The following TTBK2 variants were observed in gnomAD, a reference collection of about 807,000 sequenced individuals.
The protein encoded by TTBK2 is tau tubulin kinase 2, also known as tau-tubulin kinase 2.
In TTBK2, 28 loss-of-function variants were observed where a neutral mutation model predicts 110.8. That is an observed-to-expected ratio of 0.25 (90% confidence interval 0.19 to 0.35). The LOEUF (loss-of-function observed/expected upper bound fraction) is 0.35. TTBK2 is among the 10% of genes least tolerant of loss of function. TTBK2 has a pLI of 1.00. For synonymous variants in TTBK2, 532 were observed against 527.3 expected (o/e 1.01, Z -0.12); for missense variants, 1,369 against 1,500.3 (o/e 0.91, Z 1.45).
intron 3 of TTBK2, chr15:42,855,318 A>C (rs1327808533): frequency 6.6e-6 from 1 of 152,182 alleles, no homozygotes; most frequent in Non-Finnish European, 1.5e-5. Context: ...GCCCAATAGC[A>C]ATTAGTACCC....
intron 2 of TTBK2, among the ~76,000 whole-genome samples, chr15:42,878,109 G>A (rs1295624194): frequency 6.7e-6 from 1 of 149,042 alleles, no homozygotes; most frequent in South Asian, 2.1e-4. Flanking sequence ...TGAGTAGCTG[G>A]GACTACAGGC....
chr15:42,750,775 C>T (rs61433348), intron 14 of TTBK2, among the ~76,000 whole-genome samples: 4,221 of 152,082 alleles, frequency 0.028, 165 homozygotes, highest in African/African-American at 0.083. Context: ...TCAACAAACT[C>T]GAAGTAGGAT....
At chr15:42,763,161 T>TATATATATATATATATATATAC (rs1889138461) in intron 13 of TTBK2, among the ~76,000 whole-genome samples, 1 of 10,126 alleles carries the variant, frequency 9.9e-5, no homozygotes, top group African/African-American at 4.6e-4. Context: ...TATATACATA[T>TATATATATATATATATATATAC]ATATATATAT....
At chr15:42,756,402 A>G (rs1275026569) in intron 13 of TTBK2, among the ~76,000 whole-genome samples, 4 of 152,098 alleles carry the variant, frequency 2.6e-5, no homozygotes, top group Admixed American at 1.3e-4. Flanking sequence ...CCTGGCCAAC[A>G]TGGTGAAACC....
At chr15:42,800,265 A>T (rs1253151614) in intron 9 of TTBK2, 2 of 433,596 alleles carry the variant, frequency 4.6e-6, no homozygotes, top group Admixed American at 2.7e-5. Flanking sequence ...ATTCTAAAAT[A>T]AATTGACTAT....
chr15:42,912,469 G>C (rs1363576749), intron 1 of TTBK2, among the ~76,000 whole-genome samples: 1 of 152,150 alleles, frequency 6.6e-6, no homozygotes, highest in Non-Finnish European at 1.5e-5. Context: ...CACTTTGGGA[G>C]GCCCCAAGGT....
intron 3 of TTBK2, among the ~76,000 whole-genome samples, chr15:42,857,064 A>G (rs1024765399): frequency 1.4e-5 from 2 of 147,620 alleles, no homozygotes; most frequent in Non-Finnish European, 3.0e-5. Context: ...CTGTCTCACA[A>G]AAAAAAAAAA....
chr15:42,919,120 C>T (rs2031238345), intron 1 of TTBK2, among the ~76,000 whole-genome samples: 1 of 152,096 alleles, frequency 6.6e-6, no homozygotes, highest in South Asian at 2.1e-4. Context: ...TGTTATCATA[C>T]AGGAAAACAT....
chr15:42,840,244 T>C, intron 4 of TTBK2, 116 bp downstream of exon 4: 1 of 929,848 alleles, frequency 1.1e-6, no homozygotes, highest in African/African-American at 1.6e-5. Context: ...ATCTGCATAG[T>C]ATAAAACATT....
intron 1 of TTBK2, among the ~76,000 whole-genome samples, chr15:42,911,422 C>G (rs2030748442): frequency 6.6e-6 from 1 of 152,214 alleles, no homozygotes; most frequent in Non-Finnish European, 1.5e-5. Flanking sequence ...GGCAACATAG[C>G]AAGACCTTGT....
At chr15:42,813,206 G>C (rs1363849760) in intron 7 of TTBK2, among the ~76,000 whole-genome samples, 1 of 152,080 alleles carries the variant, frequency 6.6e-6, no homozygotes, top group Non-Finnish European at 1.5e-5. Flanking sequence ...AGACAGAGAA[G>C]ATACCAAAAG....
chr15:42,869,532 T>C (rs1393502760), intron 3 of TTBK2, among the ~76,000 whole-genome samples: 2 of 151,840 alleles, frequency 1.3e-5, no homozygotes, highest in Non-Finnish European at 1.5e-5. Context: ...GTAGATATCA[T>C]TACAAAACAT....
chr15:42,775,547 C>T lies in TTBK2; in HGVS notation c.1586G>A (p.Gly529Asp), dbSNP rs1378811467. ...AGCTATAAATCCATTGCTGCCACCACCATCTGCCTGCTCAGGGGTGTTGGC... is the reference window on the plus strand; with the variant it reads ...AGCTATAAATCCATTGCTGCCACCATCATCTGCCTGCTCAGGGGTGTTGGC... Reference protein sequence around the residue: ...ASANTPEQADGGGSNGFIAVN... With the variant: ...ASANTPEQADDGGSNGFIAVN... The change falls in exon 13 of 15, where the codon GGT becomes GAT. Residue 529 changes from glycine (G) to aspartate (D), a missense_variant. Physicochemically the swap from Gly to Asp is moderately conservative, Grantham distance 94. Transcript: ENST00000267890. 1.2e-6 allele frequency: 2 copies of T among 1,614,076 alleles called. No homozygotes were observed. Among genetic ancestry groups the T allele is most frequent in the African/African-American group, 1.3e-5 (1 of 74,922 alleles).
intron 13 of TTBK2, among the ~76,000 whole-genome samples, chr15:42,769,764 T>C (rs567351264): frequency 1.7e-4 from 26 of 152,322 alleles, no homozygotes; most frequent in Non-Finnish European, 2.9e-4. Flanking sequence ...ACTGGGTATA[T>C]ACCCAAAGGA....
chr15:42,864,418 C>G lies in TTBK2; in HGVS notation c.217+8193G>C, dbSNP rs185303498. Among the ~76,000 whole-genome samples the G allele has an allele frequency of 3.0e-4, 45 of 152,164 alleles. No individual in the cohort carries two copies. In the Middle Eastern group the frequency reaches 0.01, roughly 35 times the overall value. On this transcript the variant is annotated intron_variant, in intron 3 of 14. Coordinates refer to ENST00000267890, the MANE Select transcript of TTBK2 (RefSeq NM_173500.4). ...TGACCAACATGGAAAAACCCCATAT[C>G]TGCTAAAAATACAAAATTAGCCAGG...
At chr15:42,755,773 T>C (rs892352366) in intron 13 of TTBK2, among the ~76,000 whole-genome samples, 12 of 152,212 alleles carry the variant, frequency 7.9e-5, no homozygotes, top group Admixed American at 4.6e-4. Context: ...GATGTTGAAA[T>C]CTAAAATTTA....
rs1223536512 is a variant in TTBK2 at position 42,741,224 on chromosome 15, GACAGGGAAGTAGGATGTCCCA to G, written c.*4550_*4570del. The stretch of plus-strand genomic sequence containing the variant: ...ACACACCAGAGTTCCACTGGGTGAG[GACAGGGAAGTAGGATGTCCCA>G]ACACCCTCTGAGGGTTTTCATGCAT... On this transcript the variant is annotated 3_prime_UTR_variant, in exon 15 of 15. Transcript: ENST00000267890. The G allele has an allele frequency of 2.0e-4, 31 of 152,314 alleles. No individual in the cohort carries two copies. The highest frequency in any genetic ancestry group is 2.0e-3 in the Admixed American group (31 of 15,300). The allele number at this position is 152,314 out of a possible 1,614,324, so 9.4% of individuals were successfully genotyped here.
At chr15:42,904,254 C>T (rs950637945) in intron 1 of TTBK2, among the ~76,000 whole-genome samples, 9 of 152,240 alleles carry the variant, frequency 5.9e-5, no homozygotes, top group African/African-American at 2.2e-4. Context: ...AACTATATAC[C>T]AGGCTTCACT....
chr15:42,892,786 G>A (rs1895511158), intron 1 of TTBK2, among the ~76,000 whole-genome samples: 2 of 150,466 alleles, frequency 1.3e-5, no homozygotes, highest in Admixed American at 1.3e-4. Context: ...GAGGCAGGCG[G>A]ATCACCTGAG....
Sources: allele counts gnomAD v4.1 joint callset (sites outside exome capture counted in the v4.1 genomes callset), GRCh38; gene constraint gnomAD v4.1.1; transcripts MANE v1.5; gene names NCBI Gene and HGNC (gene_info 2026-07-23, HGNC 2026-07-21).